FGGY: variants seen among roughly 807,000 people sequenced by gnomAD.
FGGY encodes FGGY carbohydrate kinase domain containing.
Under a neutral mutation model 71.3 loss-of-function variants are expected in FGGY, and 72 were observed. That is an observed-to-expected ratio of 1.01 (90% CI 0.84 to 1.23). The LOEUF (loss-of-function observed/expected upper bound fraction) is 1.23, where lower values mean the gene tolerates loss of function less well. FGGY is among the 50% of genes most tolerant of loss of function. The pLI is 0.00. For missense variants in FGGY, 668 were observed against 682.3 expected, an observed-to-expected ratio of 0.98 and a Z score of 0.23; for synonymous variants, 251 against 250.3, an observed-to-expected ratio of 1.00 and a Z score of -0.02.
At chr1:59,574,378 C>T (rs1181840255) in intron 8 of FGGY, among the ~76,000 whole-genome samples, 1 of 152,170 alleles carries the variant, frequency 6.6e-6, no homozygotes, top group Non-Finnish European at 1.5e-5. Flanking sequence ...TGCATTTAGG[C>T]CAACTCAAAT....
At chr1:59,535,951 A>C (rs997358951) in intron 7 of FGGY, among the ~76,000 whole-genome samples, 5 of 148,484 alleles carry the variant, frequency 3.4e-5, no homozygotes, top group African/African-American at 1.3e-4. Context: ...ACACATTCAA[A>C]AGCTAGCAGA....
At chr1:59,415,522 G>A (rs2064239761) in intron 5 of FGGY, among the ~76,000 whole-genome samples, 1 of 152,190 alleles carries the variant, frequency 6.6e-6, no homozygotes, top group Non-Finnish European at 1.5e-5. Flanking sequence ...CTTGACTATG[G>A]ACAGACTAGA....
intron 12 of FGGY, among the ~76,000 whole-genome samples, chr1:59,665,964 C>T (rs1022070810): frequency 4.6e-5 from 7 of 152,282 alleles, no homozygotes; most frequent in African/African-American, 1.4e-4. Flanking sequence ...TGAGCCACCG[C>T]GCCCGGCCCA....
chr1:59,414,708 G>A (rs1441332908), intron 5 of FGGY, among the ~76,000 whole-genome samples: 2 of 152,222 alleles, frequency 1.3e-5, no homozygotes, highest in Non-Finnish European at 2.9e-5. Context: ...AACAAGGAGA[G>A]GGGCTACGAG....
intron 4 of FGGY, among the ~76,000 whole-genome samples, chr1:59,370,941 A>G (rs1483011875): frequency 6.6e-6 from 1 of 152,192 alleles, no homozygotes; most frequent in Admixed American, 6.5e-5. Context: ...GGTACCAGCC[A>G]CTGCAAAATC....
At chr1:59,742,108 G>A (rs1350913988) in intron 14 of FGGY, among the ~76,000 whole-genome samples, 1 of 152,136 alleles carries the variant, frequency 6.6e-6, no homozygotes, top group Non-Finnish European at 1.5e-5. Context: ...GTCTCAAAAA[G>A]TAAAGTAAAA....
At position 59,584,301 on chromosome 1, in the gene FGGY, C is replaced by T. The variant is rs944762060; in HGVS notation, c.904-23502C>T. Among the ~76,000 whole-genome samples the T allele has an allele frequency of 1.7e-4, 25 of 149,820 alleles. 1 individual carries two copies. The highest frequency in any genetic ancestry group is 2.2e-4 in the Non-Finnish European group (15 of 67,916). On this transcript the variant is annotated intron_variant, in intron 8 of 15. Transcript: ENST00000303721. Reference sequence around the variant, plus strand: ...TACTGGCAAACCGAATTCAGCAGCACATCAAAAAGCTTATCCACCATGATC... The same window carrying T: ...TACTGGCAAACCGAATTCAGCAGCATATCAAAAAGCTTATCCACCATGATC...
chr1:59,499,718 G>T (rs545099266), intron 6 of FGGY, among the ~76,000 whole-genome samples: 3 of 152,260 alleles, frequency 2.0e-5, no homozygotes, highest in East Asian at 3.9e-4. Flanking sequence ...GCTAGGAAAA[G>T]AACCTAACAT....
chr1:59,630,568 G>A lies in FGGY; in HGVS notation c.1073+4519G>A, dbSNP rs78445919. ...ACAGGCATTAATAGGATGAAAGCAG[G>A]TCACAGGAATGTCTGTATATGAACA... On this transcript the variant is annotated intron_variant, in intron 10 of 15. Coordinates refer to ENST00000303721, the MANE Select transcript of FGGY (RefSeq NM_018291.5). 1.6e-3 allele frequency among the ~76,000 whole-genome samples: 249 copies of A among 152,280 alleles called. 4 individuals carry two copies. The highest frequency in any genetic ancestry group is 0.016 in the East Asian group (82 of 5,186).
At chr1:59,503,560 T>G (rs1447167848) in intron 6 of FGGY, among the ~76,000 whole-genome samples, 2 of 146,746 alleles carry the variant, frequency 1.4e-5, no homozygotes. Context: ...GTCACCTATT[T>G]TCTAGGTATA....
chr1:59,563,627 A>G (rs950935572), intron 8 of FGGY, among the ~76,000 whole-genome samples: 1 of 152,222 alleles, frequency 6.6e-6, no homozygotes, highest in Non-Finnish European at 1.5e-5. Flanking sequence ...AAAATAATTT[A>G]TAGATTCAAT....
intron 10 of FGGY, among the ~76,000 whole-genome samples, chr1:59,627,489 T>TATATATATATATATAC (rs1469493501): frequency 3.7e-4 from 34 of 92,764 alleles, no homozygotes; most frequent in African/African-American, 1.5e-3. Flanking sequence ...TATATATATA[T>TATATATATATATATAC]ACACACACAC....
intron 5 of FGGY, among the ~76,000 whole-genome samples, chr1:59,412,444 C>T (rs1298500356): frequency 1.3e-5 from 2 of 152,056 alleles, no homozygotes; most frequent in Non-Finnish European, 2.9e-5. Flanking sequence ...TTCATCTTGC[C>T]TCCCCCTCCT....
At chr1:59,490,822 T>C (rs1226038609) in intron 6 of FGGY, among the ~76,000 whole-genome samples, 1 of 152,068 alleles carries the variant, frequency 6.6e-6, no homozygotes, top group Non-Finnish European at 1.5e-5. Context: ...TTTTCAAAAA[T>C]CAGTTGGCTG....
chr1:59,316,303 T>C (rs1291881428), intron 1 of FGGY: 1 of 152,198 alleles, frequency 6.6e-6, no homozygotes, highest in Non-Finnish European at 1.5e-5. Context: ...AAATAAATCC[T>C]GGAGGAGTGG....
chr1:59,755,056 A>G (rs902582014), intron 14 of FGGY: 1 of 152,192 alleles, frequency 6.6e-6, no homozygotes, highest in Non-Finnish European at 1.5e-5. Flanking sequence ...TTCACCCTGG[A>G]AGGAGGCCTG....
At chr1:59,574,855 A>G (rs896741995) in intron 8 of FGGY, among the ~76,000 whole-genome samples, 2 of 152,016 alleles carry the variant, frequency 1.3e-5, no homozygotes, top group Non-Finnish European at 2.9e-5. Context: ...GCAAAGTTTT[A>G]TACATCAAAT....
intron 14 of FGGY, among the ~76,000 whole-genome samples, chr1:59,688,164 A>G (rs150540942): frequency 5.3e-5 from 8 of 152,328 alleles, no homozygotes; most frequent in Admixed American, 5.2e-4. Flanking sequence ...CAAGCACACT[A>G]CAAGATAGTG....
chr1:59,697,600 C>T (rs1029902944), intron 14 of FGGY: 2 of 1,074,994 alleles, frequency 1.9e-6, no homozygotes, highest in African/African-American at 1.6e-5. Context: ...TAACCATCGT[C>T]GCTGTGAAGA....
Sources: gnomAD v4.1 joint callset for allele counts (sites outside exome capture counted in the v4.1 genomes callset) on GRCh38, gnomAD v4.1.1 for gene constraint, MANE v1.5 for transcripts, NCBI Gene and HGNC (gene_info 2026-07-23, HGNC 2026-07-21) for gene names.